UNC5C: variants seen among roughly 807,000 people sequenced by gnomAD.
The protein encoded by UNC5C is netrin receptor UNC5C.
A neutral mutation model predicts 99.8 loss-of-function variants in UNC5C; 47 were observed. That is an observed-to-expected ratio of 0.47 (90% CI 0.37 to 0.60). The LOEUF (loss-of-function observed/expected upper bound fraction) is 0.60, where lower values mean the gene tolerates loss of function less well. Ranked by LOEUF, UNC5C falls within the 20% of genes least tolerant of loss-of-function variation. UNC5C has a pLI of 0.00. For missense variants in UNC5C, 1,062 were observed against 1,165.9 expected (o/e 0.91, Z 1.30); for synonymous variants, 487 against 452.2 (o/e 1.08, Z -0.98).
chr4:95,396,049 G>A (rs1277838473), intron 1 of UNC5C, among the ~76,000 whole-genome samples: 3 of 152,130 alleles, frequency 2.0e-5, no homozygotes, highest in African/African-American at 2.4e-5. Flanking sequence ...GGAACCATCC[G>A]GCAGGCTATC....
chr4:95,206,782 T>C lies in UNC5C; in HGVS notation c.1748A>G (p.Asp583Gly). ...RKETMRPPMD[D>G]SQTLLTPVVS... ...CACAGGGGTCAAAAGTGTCTGAGAG[T>C]CATCCATGGGTGGCCTAGGAGGAGA... Residue 583 changes from aspartate (D) to glycine (G), a missense_variant, in exon 11 of 16, where the codon GAC (aspartate) becomes GGC (glycine). Coordinates refer to ENST00000453304, the MANE Select transcript of UNC5C (RefSeq NM_003728.4). 1 of 1,603,820 alleles carries C rather than the reference T, an allele frequency of 6.2e-7. No individual in the cohort carries two copies. The highest frequency in any genetic ancestry group is 1.1e-5 in the South Asian group (1 of 89,622).
At chr4:95,205,501 C>T (rs1173564219) in intron 11 of UNC5C, among the ~76,000 whole-genome samples, 1 of 152,064 alleles carries the variant, frequency 6.6e-6, no homozygotes, top group Non-Finnish European at 1.5e-5. Context: ...CTCTGGTACT[C>T]GTCTACATCT....
intron 1 of UNC5C, among the ~76,000 whole-genome samples, chr4:95,420,889 A>G (rs1317916798): frequency 6.6e-6 from 1 of 152,192 alleles, no homozygotes; most frequent in Admixed American, 6.5e-5. Flanking sequence ...CAAATTCTAT[A>G]AAATCATGGG....
At chr4:95,427,017 G>C (rs1746505791) in intron 1 of UNC5C, among the ~76,000 whole-genome samples, 2 of 152,198 alleles carry the variant, frequency 1.3e-5, no homozygotes, top group East Asian at 3.8e-4. Context: ...GGAAGAAGAT[G>C]CCATGTAGGA....
intron 1 of UNC5C, among the ~76,000 whole-genome samples, chr4:95,520,703 A>G (rs1026291070): frequency 6.8e-6 from 1 of 146,252 alleles, no homozygotes; most frequent in Non-Finnish European, 1.5e-5. Context: ...GGTTCACGCC[A>G]TTCTCCTGCC....
chr4:95,393,273 G>A (rs1480619036), intron 1 of UNC5C, among the ~76,000 whole-genome samples: 3 of 152,182 alleles, frequency 2.0e-5, no homozygotes, highest in African/African-American at 7.2e-5. Context: ...TTATTTTAAA[G>A]TCAAGGGATT....
chr4:95,472,481 G>C (rs1229901437), intron 1 of UNC5C, among the ~76,000 whole-genome samples: 1 of 152,038 alleles, frequency 6.6e-6, no homozygotes, highest in African/African-American at 2.4e-5. Flanking sequence ...TTAAGTAATA[G>C]TTTTGTCTCA....
intron 3 of UNC5C, among the ~76,000 whole-genome samples, chr4:95,292,292 T>C (rs1045412964): frequency 7.4e-5 from 11 of 148,080 alleles, no homozygotes; most frequent in South Asian, 2.1e-4. Context: ...TTTTTTGAGA[T>C]GGAGTCTTGC....
At chr4:95,210,922 T>C (rs1448912669) in intron 10 of UNC5C, among the ~76,000 whole-genome samples, 1 of 152,238 alleles carries the variant, frequency 6.6e-6, no homozygotes, top group Non-Finnish European at 1.5e-5. Flanking sequence ...GCAGTGTATG[T>C]CTATTACCTC....
chr4:95,276,422 G>C (rs1030977255), intron 4 of UNC5C, among the ~76,000 whole-genome samples: 3 of 152,096 alleles, frequency 2.0e-5, no homozygotes, highest in African/African-American at 7.2e-5. Flanking sequence ...TTGCAGTCAT[G>C]AATCTTTACT....
At chr4:95,412,100 G>A (rs1746009194) in intron 1 of UNC5C, among the ~76,000 whole-genome samples, 1 of 151,774 alleles carries the variant, frequency 6.6e-6, no homozygotes, top group Non-Finnish European at 1.5e-5. Flanking sequence ...TCCTGCGTGA[G>A]CTTCTTCATC....
chr4:95,284,690 A>T (rs1241415160), intron 3 of UNC5C, among the ~76,000 whole-genome samples: 1 of 152,156 alleles, frequency 6.6e-6, no homozygotes, highest in Non-Finnish European at 1.5e-5. Context: ...AGCAGATGAA[A>T]ATTCAGGCCC....
chr4:95,370,216 A>G (rs1196976241), intron 1 of UNC5C, among the ~76,000 whole-genome samples: 2 of 152,210 alleles, frequency 1.3e-5, no homozygotes, highest in Non-Finnish European at 2.9e-5. Context: ...TATCTCATTA[A>G]TAATATTTTA....
chr4:95,475,567 T>A (rs1363698158), intron 1 of UNC5C, among the ~76,000 whole-genome samples: 1 of 152,030 alleles, frequency 6.6e-6, no homozygotes, highest in Non-Finnish European at 1.5e-5. Context: ...AGATAGATAT[T>A]TGAAATAGAT....
At chr4:95,512,308 G>C (rs1005368061) in intron 1 of UNC5C, among the ~76,000 whole-genome samples, 16 of 152,178 alleles carry the variant, frequency 1.1e-4, no homozygotes, top group African/African-American at 3.9e-4. Flanking sequence ...GAAGGTATGA[G>C]AAGTGGATTG....
At chr4:95,307,603 C>T in intron 2 of UNC5C, among the ~76,000 whole-genome samples, 1 of 152,188 alleles carries the variant, frequency 6.6e-6, no homozygotes, top group East Asian at 1.9e-4. Context: ...AAAGAGACTA[C>T]TTCCAAATTC....
chr4:95,264,433 A>G (rs927711918), intron 4 of UNC5C, among the ~76,000 whole-genome samples: 2 of 152,160 alleles, frequency 1.3e-5, no homozygotes, highest in East Asian at 1.9e-4. Flanking sequence ...ATTTTCCTTA[A>G]TCTGAGCAGA....
At chr4:95,541,058 A>G (rs1722905814) in intron 1 of UNC5C, among the ~76,000 whole-genome samples, 1 of 152,200 alleles carries the variant, frequency 6.6e-6, no homozygotes, top group Non-Finnish European at 1.5e-5. Flanking sequence ...AATACAAGTA[A>G]CAAATATGCA....
chr4:95,452,158 AT>A (rs1456194020), intron 1 of UNC5C, among the ~76,000 whole-genome samples: 2 of 152,168 alleles, frequency 1.3e-5, no homozygotes, highest in African/African-American at 4.8e-5. Flanking sequence ...ACACAAAAGT[AT>A]TTTTCCCTAG....
Sources: allele counts gnomAD v4.1 joint callset (sites outside exome capture counted in the v4.1 genomes callset), GRCh38; gene constraint gnomAD v4.1.1; transcripts MANE v1.5; gene names NCBI Gene and HGNC (gene_info 2026-07-23, HGNC 2026-07-21).